POLH: variants seen among roughly 807,000 people sequenced by gnomAD.
POLH encodes the protein DNA polymerase eta, also known as DNA polymerase eta transcript.
In POLH, 53 loss-of-function variants were observed where a neutral mutation model predicts 73.6. That is an observed-to-expected ratio of 0.72 (90% CI 0.58 to 0.91). The LOEUF (loss-of-function observed/expected upper bound fraction) is 0.91. Ranked by LOEUF, POLH falls within the 40% of genes least tolerant of loss-of-function variation. The pLI is 0.00. For missense variants in POLH, 768 were observed against 865.4 expected, an observed-to-expected ratio of 0.89 and a Z score of 1.41; for synonymous variants, 292 against 308.5, an observed-to-expected ratio of 0.95 and a Z score of 0.56.
At chr6:43,597,910 A>C in intron 5 of POLH, 45 bp downstream of exon 5, 1 of 1,478,576 alleles carries the variant, frequency 6.8e-7, no homozygotes. Flanking sequence ...TGATATCCTT[A>C]GTCAAATACA....
chr6:43,602,730 C>T (rs1229561151), intron 6 of POLH, among the ~76,000 whole-genome samples: 5 of 151,810 alleles, frequency 3.3e-5, no homozygotes, highest in African/African-American at 9.7e-5. Flanking sequence ...TGCAGTGGCG[C>T]GATATTGGCT....
chr6:43,601,223 A>G, intron 6 of POLH, 132 bp downstream of exon 6: 1 of 718,888 alleles, frequency 1.4e-6, no homozygotes, highest in East Asian at 2.7e-5. Flanking sequence ...AAGGAAAACA[A>G]CACAGAACAT....
At chr6:43,603,827 T>TA in intron 6 of POLH, 65 bp from the exon 7 acceptor site, 1 of 1,545,102 alleles carries the variant, frequency 6.5e-7, no homozygotes, top group Non-Finnish European at 8.9e-7. Flanking sequence ...TAGAATGTCT[T>TA]ACGTTTGCTG....
chr6:43,602,086 A>T (rs554195364), intron 6 of POLH, among the ~76,000 whole-genome samples: 1 of 152,048 alleles, frequency 6.6e-6, no homozygotes, highest in Admixed American at 6.6e-5. Context: ...AAATAAATAA[A>T]CCAAGTTTTA....
intron 8 of POLH, among the ~76,000 whole-genome samples, chr6:43,605,006 T>G (rs1236952013): frequency 6.6e-6 from 1 of 152,152 alleles, no homozygotes; most frequent in Non-Finnish European, 1.5e-5. Context: ...GGTCTTGTCT[T>G]TTTCTCAGAG....
At chr6:43,586,244 C>T (rs754824762) in intron 3 of POLH, among the ~76,000 whole-genome samples, 4 of 151,798 alleles carry the variant, frequency 2.6e-5, no homozygotes, top group African/African-American at 4.8e-5. Flanking sequence ...TTGGGGAGGC[C>T]GAGGTGGGTG....
intron 1 of POLH, among the ~76,000 whole-genome samples, chr6:43,580,488 G>A (rs1285808815): frequency 2.5e-4 from 37 of 148,558 alleles, no homozygotes; most frequent in Middle Eastern, 3.5e-3. Context: ...AGGGGCGGCC[G>A]GGCAGAGGCG....
At chr6:43,587,624 A>C in intron 4 of POLH, 135 bp downstream of exon 4, 1 of 729,680 alleles carries the variant, frequency 1.4e-6, no homozygotes, top group East Asian at 2.7e-5. Context: ...CTCACATGGA[A>C]GGATATACAA....
intron 4 of POLH, among the ~76,000 whole-genome samples, chr6:43,596,378 G>A (rs1364015061): frequency 2.0e-5 from 3 of 151,986 alleles, no homozygotes; most frequent in African/African-American, 4.8e-5. Context: ...AGCTACTCGG[G>A]AGGCTGAGGC....
intron 10 of POLH, 64 bp from the exon 11 acceptor site, chr6:43,613,596 G>T: frequency 1.6e-6 from 2 of 1,274,006 alleles, no homozygotes; most frequent in Non-Finnish European, 2.3e-6. Flanking sequence ...CATGGAATTA[G>T]CAATAGGTCA....
chr6:43,613,732 C>T lies in POLH; in HGVS notation c.1317C>T (p.Asp439=), dbSNP rs1421088006. The change falls in exon 11 of 11, where the codon GAC becomes GAT. Residue 439 remains aspartate, a synonymous_variant. Transcript: ENST00000372236. ...FSASAPSSST[D]ITSFLSSDPS... The stretch of plus-strand genomic sequence containing the variant: ...CCTCTGCCCCTTCATCTTCTACAGA[C>T]ATCACCAGCTTCTTGAGCAGTGACC... 6.2e-7 allele frequency: 1 copy of T among 1,613,678 alleles called. No homozygotes were observed. Among genetic ancestry groups the T allele is most frequent in the South Asian group, 1.1e-5 (1 of 90,974 alleles).
chr6:43,613,589 G>A, intron 10 of POLH, 71 bp from the exon 11 acceptor site: 1 of 1,213,432 alleles, frequency 8.2e-7, no homozygotes, highest in Non-Finnish European at 1.2e-6. Flanking sequence ...TACAATTCAT[G>A]GAATTAGCAA....
chr6:43,579,696 G>A (rs1763791200), intron 1 of POLH, among the ~76,000 whole-genome samples: 1 of 152,166 alleles, frequency 6.6e-6, no homozygotes, highest in Non-Finnish European at 1.5e-5. Context: ...ATTGGCATCA[G>A]AAGTAGGGGG....
At position 43,614,116 on chromosome 6, in the gene POLH, ACCAAC is replaced by A. The variant is rs1313828375; in HGVS notation, c.1702_1706del (p.Pro568ArgfsTer10). The A allele has an allele frequency of 6.2e-7, 1 of 1,614,198 alleles. No homozygotes were observed. The highest frequency in any genetic ancestry group is 8.5e-7 in the Non-Finnish European group (1 of 1,180,018). ...ACTGTAAAGCATTACCAAACTCTTT[ACCAAC>A]AGAGTATCCAGGGTGTGTCCCTGTT... On this transcript the variant is annotated frameshift_variant, in exon 11 of 11. Coordinates refer to ENST00000372236, the MANE Select transcript of POLH (RefSeq NM_006502.3). LOFTEE classifies it high-confidence loss of function.
chr6:43,591,594 C>A (rs1765466504), intron 4 of POLH, among the ~76,000 whole-genome samples: 1 of 151,584 alleles, frequency 6.6e-6, no homozygotes, highest in Admixed American at 6.6e-5. Flanking sequence ...GCTGGGATTA[C>A]AGGCATGAGC....
In POLH at chr6:43,587,404, G is replaced by A; in HGVS notation, c.405G>A (p.Gln135=). The change falls in exon 4 of 11, where the codon CAG becomes CAA. Residue 135 remains glutamine, a synonymous_variant. Coordinates refer to ENST00000372236, the MANE Select transcript of POLH (RefSeq NM_006502.3). ...AGAGACTACAAAAGCTACAAGGTCA[G>A]CCTATCTCGGCAGACTTGTTGCCAA... ...VQERLQKLQG[Q]PISADLLPST... 5 of 1,614,222 alleles carry A rather than the reference G, an allele frequency of 3.1e-6. No individual in the cohort carries two copies. The highest frequency in any genetic ancestry group is 4.2e-6 in the Non-Finnish European group (5 of 1,180,022).
chr6:43,602,657 G>A (rs970761585), intron 6 of POLH, among the ~76,000 whole-genome samples: 9 of 152,056 alleles, frequency 5.9e-5, no homozygotes, highest in African/African-American at 2.2e-4. Context: ...CTCAAAGGCT[G>A]GGCTAAAGAA....
chr6:43,603,794 C>A, intron 6 of POLH, 98 bp from the exon 7 acceptor site: 1 of 1,216,576 alleles, frequency 8.2e-7, no homozygotes, highest in Non-Finnish European at 1.2e-6. Flanking sequence ...TGTCCTGAAC[C>A]TTTTGGAGAG....
chr6:43,617,623 T>TA lies in POLH; in HGVS notation c.*3079dup, dbSNP rs892929265. 6.7e-3 allele frequency among the ~76,000 whole-genome samples: 945 copies of TA among 141,166 alleles called. 6 individuals are homozygous for TA. The highest frequency in any genetic ancestry group is 0.022 in the African/African-American group (852 of 38,344). The allele number at this position is 141,166 out of a possible 152,430, so 92.6% of individuals were successfully genotyped here. On this transcript the variant is annotated 3_prime_UTR_variant, in exon 11 of 11. Transcript: ENST00000372236. ...GTCTGGGCAACAGAGTGACACTGTT[T>TA]AAAAAAAAAAAAATTCCCAATGTGG...
Sources: gnomAD v4.1 joint callset for allele counts (sites outside exome capture counted in the v4.1 genomes callset) on GRCh38, gnomAD v4.1.1 for gene constraint, MANE v1.5 for transcripts, NCBI Gene and HGNC (gene_info 2026-07-23, HGNC 2026-07-21) for gene names.